KIAA1217: variants seen among roughly 807,000 people sequenced by gnomAD.
KIAA1217 encodes the protein sickle tail protein homolog.
A neutral mutation model predicts 163.9 loss-of-function variants in KIAA1217; 88 were observed. That is an observed-to-expected ratio of 0.54 (90% CI 0.45 to 0.64). The LOEUF (loss-of-function observed/expected upper bound fraction) is 0.64, where lower values mean the gene tolerates loss of function less well. Among genes scored for constraint, KIAA1217 ranks in the 30% least tolerant of loss-of-function variants. The pLI is 0.00. For missense variants in KIAA1217, 2,372 were observed against 2,475.0 expected (o/e 0.96, Z 0.88); for synonymous variants, 903 against 923.1 (o/e 0.98, Z 0.39).
intron 5 of KIAA1217, among the ~76,000 whole-genome samples, chr10:24,441,201 G>A (rs893242612): frequency 6.6e-5 from 10 of 152,180 alleles, no homozygotes; most frequent in Non-Finnish European, 1.5e-4. Flanking sequence ...CTACTCACAT[G>A]AGTCAGTCAC....
At chr10:24,465,148 G>A (rs1248634195) in intron 5 of KIAA1217, among the ~76,000 whole-genome samples, 1 of 151,742 alleles carries the variant, frequency 6.6e-6, no homozygotes. Context: ...GAAGCTGATA[G>A]TGTGTGCCTC....
chr10:24,521,096 G>T (rs1261457194), intron 11 of KIAA1217, among the ~76,000 whole-genome samples: 1 of 148,530 alleles, frequency 6.7e-6, no homozygotes, highest in Non-Finnish European at 1.5e-5. Flanking sequence ...CACTTTGGGA[G>T]GCTGAGGCGG....
At chr10:24,385,071 T>C (rs993690069) in intron 3 of KIAA1217, among the ~76,000 whole-genome samples, 2 of 152,028 alleles carry the variant, frequency 1.3e-5, no homozygotes, top group Admixed American at 6.5e-5. Flanking sequence ...GGTGCCACAG[T>C]TTGTCACTGG....
chr10:24,299,470 C>T (rs1007158083), intron 2 of KIAA1217, among the ~76,000 whole-genome samples: 6 of 152,098 alleles, frequency 3.9e-5, no homozygotes, highest in African/African-American at 1.4e-4. Flanking sequence ...CTGATCGTAG[C>T]TCACTGCAGC....
intron 2 of KIAA1217, among the ~76,000 whole-genome samples, chr10:24,073,561 T>C (rs1403164791): frequency 6.6e-6 from 1 of 152,214 alleles, no homozygotes; most frequent in Non-Finnish European, 1.5e-5. Context: ...GGCTTAGGTC[T>C]AGCACTTGGC....
chr10:24,460,877 G>T (rs921311053), intron 5 of KIAA1217, among the ~76,000 whole-genome samples: 3 of 152,292 alleles, frequency 2.0e-5, no homozygotes, highest in Non-Finnish European at 2.9e-5. Context: ...AACAGTGAAG[G>T]TAGACATGAG....
At chr10:23,811,597 A>G (rs762408265) in intron 1 of KIAA1217, among the ~76,000 whole-genome samples, 2 of 152,010 alleles carry the variant, frequency 1.3e-5, no homozygotes, top group African/African-American at 2.4e-5. Context: ...CAATGTGAGG[A>G]TGAGAAAGGG....
At position 24,531,918 on chromosome 10, in the gene KIAA1217, GC is replaced by G. The variant is rs1380029733; in HGVS notation, c.3173del (p.Pro1058GlnfsTer76). The G allele has an allele frequency of 6.2e-7, 1 of 1,610,432 alleles. No homozygotes were observed. ...CGCCACCTCCTCGTCGAAGCTACCT[GC>G]CAGGATCGGGACTCACCACCACGAG... ...PPPPPRRSYL[P>X]GSGLTTTRSG... On this transcript the variant is annotated frameshift_variant, in exon 15 of 21. Coordinates refer to ENST00000376454, the MANE Select transcript of KIAA1217 (RefSeq NM_019590.5). LOFTEE classifies it high-confidence loss of function.
intron 16 of KIAA1217, among the ~76,000 whole-genome samples, chr10:24,535,911 A>G (rs531897402): frequency 2.0e-5 from 3 of 152,150 alleles, no homozygotes; most frequent in Non-Finnish European, 4.4e-5. Flanking sequence ...TGGGGTCTCA[A>G]GAGTATTTGA....
intron 1 of KIAA1217, among the ~76,000 whole-genome samples, chr10:23,873,789 T>C (rs1470492759): frequency 6.6e-6 from 1 of 151,842 alleles, no homozygotes; most frequent in Non-Finnish European, 1.5e-5. Flanking sequence ...AAGTGCAGAG[T>C]ACAAAATTTC....
In KIAA1217 at chr10:23,709,244, G is replaced by A. The variant is rs887067612; in HGVS notation, c.-321+14010G>A. Among the ~76,000 whole-genome samples the A allele has an allele frequency of 2.6e-5, 4 of 152,236 alleles. 1 individual carries two copies. Among genetic ancestry groups the A allele is most frequent in the Admixed American group, 2.0e-4 (3 of 15,274 alleles). On this transcript the variant is annotated intron_variant, in intron 1 of 18. Coordinates refer to the KIAA1217 transcript ENST00000376462. ...TTCTCCAAGAAATAAAAACTTTCAG[G>A]TGGGTGCGGTGGCTCACACTGGTAA...
At chr10:24,056,925 A>C (rs1235044345) in intron 2 of KIAA1217, among the ~76,000 whole-genome samples, 1 of 152,228 alleles carries the variant, frequency 6.6e-6, no homozygotes, top group Admixed American at 6.5e-5. Context: ...ATTTAATTAC[A>C]TAATTATAAT....
At chr10:23,901,270 G>A (rs1191587830) in intron 1 of KIAA1217, among the ~76,000 whole-genome samples, 3 of 152,066 alleles carry the variant, frequency 2.0e-5, no homozygotes, top group Admixed American at 6.6e-5. Flanking sequence ...GCCAGGATTT[G>A]ACCAAGGAAG....
chr10:24,456,162 A>G (rs940491159), intron 5 of KIAA1217, among the ~76,000 whole-genome samples: 1 of 152,236 alleles, frequency 6.6e-6, no homozygotes, highest in African/African-American at 2.4e-5. Flanking sequence ...CTGGGACTAC[A>G]GGCGTGAGCC....
At chr10:24,332,215 A>G (rs2045771073) in intron 2 of KIAA1217, among the ~76,000 whole-genome samples, 1 of 152,238 alleles carries the variant, frequency 6.6e-6, no homozygotes, top group Non-Finnish European at 1.5e-5. Context: ...AGAAGAGCTG[A>G]CAAAAGGCCG....
chr10:24,471,593 A>T (rs181417629), intron 5 of KIAA1217, among the ~76,000 whole-genome samples: 58 of 152,116 alleles, frequency 3.8e-4, no homozygotes, highest in African/African-American at 1.3e-3. Flanking sequence ...AAAAAAAATC[A>T]GTGTAGAGGC....
intron 1 of KIAA1217, among the ~76,000 whole-genome samples, chr10:24,214,612 A>G (rs1163993593): frequency 1.3e-5 from 2 of 152,192 alleles, no homozygotes; most frequent in Non-Finnish European, 2.9e-5. Context: ...CTCTGTGTGC[A>G]GCAGAAGAGC....
At chr10:24,049,882 C>T (rs1190939748) in intron 2 of KIAA1217, among the ~76,000 whole-genome samples, 2 of 152,176 alleles carry the variant, frequency 1.3e-5, no homozygotes, top group Non-Finnish European at 2.9e-5. Context: ...GGAATCGCCA[C>T]ACTGTCTTCC....
intron 1 of KIAA1217, among the ~76,000 whole-genome samples, chr10:23,798,350 C>T (rs541595588): frequency 6.6e-6 from 1 of 152,276 alleles, no homozygotes; most frequent in South Asian, 2.1e-4. Flanking sequence ...CAAACCTGTC[C>T]TCATGGAAGC....
Sources: gnomAD v4.1 joint callset for allele counts (sites outside exome capture counted in the v4.1 genomes callset) on GRCh38, gnomAD v4.1.1 for gene constraint, MANE v1.5 for transcripts, NCBI Gene and HGNC (gene_info 2026-07-23, HGNC 2026-07-21) for gene names.